PCDHA5: variants seen among roughly 807,000 people sequenced by gnomAD.
PCDHA5 encodes the protein protocadherin alpha-5.
A neutral mutation model predicts 61.6 loss-of-function variants in PCDHA5; 43 were observed. The observed-to-expected ratio is 0.70, with a 90% CI of 0.55 to 0.90. The LOEUF (loss-of-function observed/expected upper bound fraction) is 0.90, where lower values mean the gene tolerates loss of function less well. Ranked by LOEUF, PCDHA5 falls within the 40% of genes least tolerant of loss-of-function variation. The pLI is 0.00. For missense variants in PCDHA5, 1,298 were observed against 1,222.7 expected (o/e 1.06, Z -0.92); for synonymous variants, 627 against 543.9 (o/e 1.15, Z -2.13).
chr5:140,902,209 T>C (rs1583451921), intron 1 of PCDHA5, among the ~76,000 whole-genome samples: 2 of 150,148 alleles, frequency 1.3e-5, no homozygotes, highest in African/African-American at 4.9e-5. Context: ...CTTTCTTTTT[T>C]TTTTTTTTTT....
chr5:140,872,347 C>T (rs556222685), intron 1 of PCDHA5, among the ~76,000 whole-genome samples: 44 of 152,200 alleles, frequency 2.9e-4, no homozygotes, highest in African/African-American at 1.0e-3. Context: ...CATGTTCTTG[C>T]CAGGCAAAGT....
chr5:140,908,492 T>G (rs1241563422), intron 1 of PCDHA5, among the ~76,000 whole-genome samples: 3 of 152,226 alleles, frequency 2.0e-5, no homozygotes, highest in African/African-American at 7.2e-5. Context: ...CAGTTCAGGT[T>G]GCTTGGTGAC....
At chr5:140,929,721 ATTTAC>A in intron 1 of PCDHA5, 2 of 222,496 alleles carry the variant, frequency 9.0e-6, no homozygotes, top group Non-Finnish European at 9.4e-6. Context: ...AAGGTGAAAC[ATTTAC>A]TTAAACTATT....
chr5:140,901,852 T>G (rs1184166361), intron 1 of PCDHA5, among the ~76,000 whole-genome samples: 3 of 152,206 alleles, frequency 2.0e-5, no homozygotes, highest in Non-Finnish European at 4.4e-5. Flanking sequence ...TCTTTCCATT[T>G]TTTTGTGTCC....
chr5:140,863,082 G>A (rs1424614073), intron 1 of PCDHA5: 2 of 572,800 alleles, frequency 3.5e-6, no homozygotes, highest in Non-Finnish European at 6.9e-6. Flanking sequence ...GCACGGGCGA[G>A]ATCAGCACGA....
rs2150111848 is a variant in PCDHA5 at position 140,821,906 on chromosome 5, T to G, written c.131T>G (p.Val44Gly). 1.2e-6 allele frequency: 2 copies of G among 1,614,228 alleles called. No homozygotes were observed. Among genetic ancestry groups the G allele is most frequent in the Non-Finnish European group, 1.7e-6 (2 of 1,180,036 alleles). Residue 44 changes from valine to glycine, a missense_variant, in exon 1 of 4, where the codon GTT (valine) becomes GGT (glycine). Val to Gly is a moderately radical substitution (Grantham distance 109, BLOSUM62 -3). Transcript: ENST00000529859. ...GAGGAAGCCAAACACGGAACCTTCG[T>G]TGGCCGCATCGCGCAGGACCTAGGG... ...IPEEAKHGTFVGRIAQDLGLE... is the reference protein window; with the variant it reads ...IPEEAKHGTFGGRIAQDLGLE...
intron 1 of PCDHA5, among the ~76,000 whole-genome samples, chr5:140,917,076 T>C (rs986884478): frequency 1.3e-5 from 2 of 152,124 alleles, no homozygotes; most frequent in East Asian, 3.9e-4. Flanking sequence ...CCGAGTTTAA[T>C]GTAAAGTTCC....
chr5:140,828,276 G>A (rs2150153517), intron 1 of PCDHA5: 50 of 1,613,972 alleles, frequency 3.1e-5, no homozygotes, highest in Non-Finnish European at 3.7e-5. Flanking sequence ...CTGGTGCCGC[G>A]CCTGTTCAGG....
At chr5:140,989,105 T>G (rs550881823) in intron 3 of PCDHA5, 2 of 152,232 alleles carry the variant, frequency 1.3e-5, no homozygotes, top group African/African-American at 4.8e-5. Flanking sequence ...GAAACAACTT[T>G]TGAATATATC....
intron 1 of PCDHA5, chr5:140,870,608 C>G (rs1408684171): frequency 6.2e-7 from 1 of 1,613,106 alleles, no homozygotes; most frequent in African/African-American, 1.3e-5. Flanking sequence ...GGCGACCGCG[C>G]GCTGTCGAGC....
rs1554145030 is a variant in PCDHA5 at position 140,850,906 on chromosome 5, T to C, written c.2352+26779T>C. On this transcript the variant is annotated intron_variant, in intron 1 of 3. Transcript: ENST00000529859. Reference sequence around the variant, plus strand: ...ACTGGGAAGGTGGGTTTTTCTAGCATTTTATTTATTTATATAATTTTTTTT... The same window carrying C: ...ACTGGGAAGGTGGGTTTTTCTAGCACTTTATTTATTTATATAATTTTTTTT... The C allele has an allele frequency of 1.3e-6, 2 of 1,550,722 alleles. 1 individual carries two copies. The highest frequency in any genetic ancestry group is 1.7e-6 in the Non-Finnish European group (2 of 1,145,138).
intron 1 of PCDHA5, among the ~76,000 whole-genome samples, chr5:140,887,248 C>T (rs1232310514): frequency 6.6e-6 from 1 of 152,046 alleles, no homozygotes; most frequent in Non-Finnish European, 1.5e-5. Flanking sequence ...CGGCGCCCGC[C>T]ACCACGCCCT....
rs2150225607 is a variant in PCDHA5 at position 140,834,757 on chromosome 5, A to T, written c.2352+10630A>T. 6 of 1,614,016 alleles carry T rather than the reference A, an allele frequency of 3.7e-6. No individual in the cohort carries two copies. The African/African-American group carries it at 6.7e-5, about 18-fold the overall frequency. On this transcript the variant is annotated intron_variant, in intron 1 of 3. Coordinates refer to ENST00000529859, the MANE Select transcript of PCDHA5 (RefSeq NM_018908.3). ...TTCCATGTGGACGTGGAGGTGAAGG[A>T]CATTAACGACAACCCTCCGGTGTTC...
In PCDHA5 at chr5:140,869,747, C is replaced by G. The variant is rs1554163400; in HGVS notation, c.2352+45620C>G. 1.2e-6 allele frequency: 2 copies of G among 1,613,158 alleles called. No individual in the cohort carries two copies. Reference sequence around the variant, plus strand: ...GAACTTAATTTGCTGCTAACAGCTACAGACGGGGGAAAACCAGAGCTTACT... The same window carrying G: ...GAACTTAATTTGCTGCTAACAGCTAGAGACGGGGGAAAACCAGAGCTTACT... On this transcript the variant is annotated intron_variant, in intron 1 of 3. Coordinates refer to ENST00000529859, the MANE Select transcript of PCDHA5 (RefSeq NM_018908.3).
At chr5:140,952,098 C>T (rs1337442909) in intron 1 of PCDHA5, among the ~76,000 whole-genome samples, 2 of 152,108 alleles carry the variant, frequency 1.3e-5, no homozygotes, top group African/African-American at 4.8e-5. Flanking sequence ...ACATCCAGGG[C>T]ACACTCGTGT....
intron 1 of PCDHA5, chr5:140,834,582 G>C (rs1554134344): frequency 5.6e-6 from 9 of 1,614,016 alleles, no homozygotes; most frequent in Non-Finnish European, 7.6e-6. Flanking sequence ...GTTCCGGGCG[G>C]TGTGCAAATT....
At chr5:140,832,615 T>C (rs1377031016) in intron 1 of PCDHA5, among the ~76,000 whole-genome samples, 1 of 152,198 alleles carries the variant, frequency 6.6e-6, no homozygotes, top group Non-Finnish European at 1.5e-5. Flanking sequence ...AGTGAGTAAA[T>C]GTTTTTTAAA....
chr5:140,882,715 A>G (rs143870647), intron 1 of PCDHA5: 102 of 1,614,124 alleles, frequency 6.3e-5, no homozygotes, highest in African/African-American at 1.7e-4. Context: ...GACCTCCGGA[A>G]ACTCGATTTC....
At position 140,852,910 on chromosome 5, in the gene PCDHA5, G is replaced by A. The variant is rs2150524838; in HGVS notation, c.2352+28783G>A. On this transcript the variant is annotated intron_variant, in intron 1 of 3. Transcript: ENST00000529859. The stretch of plus-strand genomic sequence containing the variant: ...ATTTTTTTTTTTGAGTCAGAGTCTC[G>A]CTCTGTTGCCCAGGCTGGAGTGCAG... 89 of 797,098 alleles carry A rather than the reference G, an allele frequency of 1.1e-4. 6 individuals carry two copies. Among genetic ancestry groups the A allele is most frequent in the Non-Finnish European group, 1.3e-4 (84 of 645,392 alleles). The allele number at this position is 797,098 out of a possible 1,614,324, so 49.4% of individuals were successfully genotyped here. A position where few individuals can be genotyped will look rare whatever the true frequency, so the allele number is the denominator to read the frequency against.
Sources: allele counts gnomAD v4.1 joint callset (sites outside exome capture counted in the v4.1 genomes callset), GRCh38; gene constraint gnomAD v4.1.1; transcripts MANE v1.5; gene names NCBI Gene and HGNC (gene_info 2026-07-23, HGNC 2026-07-21).